Variants in KDM4C observed in about 807,000 individuals in gnomAD.
The protein encoded by KDM4C is lysine-specific demethylase 4C.
KDM4C carries 81 observed loss-of-function variants against 129.3 expected under a neutral mutation model. The ratio of observed to expected loss-of-function variants is 0.63; its 90% CI spans 0.52 to 0.75. The LOEUF (loss-of-function observed/expected upper bound fraction) is 0.75. Ranked by LOEUF, KDM4C falls within the 30% of genes least tolerant of loss-of-function variation. KDM4C has a pLI of 0.00. For missense variants in KDM4C, 1,457 were observed against 1,304.0 expected (o/e 1.12, Z -1.81); for synonymous variants, 573 against 456.1 (o/e 1.26, Z -3.26).
chr9:6,921,691 A>G (rs1019027454), intron 8 of KDM4C, among the ~76,000 whole-genome samples: 2 of 152,194 alleles, frequency 1.3e-5, no homozygotes, highest in African/African-American at 2.4e-5. Flanking sequence ...ACTTCTGCTC[A>G]GAATCTCCCC....
chr9:6,760,087 C>T (rs76688172), intron 1 of KDM4C, among the ~76,000 whole-genome samples: 1 of 152,176 alleles, frequency 6.6e-6, no homozygotes, highest in East Asian at 1.9e-4. Flanking sequence ...TTCCTATTAG[C>T]TGTCATTGCC....
intron 1 of KDM4C, among the ~76,000 whole-genome samples, chr9:6,783,905 G>C (rs2130789994): frequency 6.6e-6 from 1 of 152,258 alleles, no homozygotes; most frequent in Middle Eastern, 3.4e-3. Context: ...TTCTCTGTTG[G>C]GGTTTGTCTG....
At chr9:6,753,997 C>T (rs980761373), upstream of KDM4C, among the ~76,000 whole-genome samples, 3 of 149,604 alleles carry the variant, frequency 2.0e-5, no homozygotes, top group East Asian at 6.0e-4. Flanking sequence ...GCCTCAGCCT[C>T]TGGACTAGCT....
intron 5 of KDM4C, among the ~76,000 whole-genome samples, chr9:6,857,179 T>C (rs1373469351): frequency 6.6e-6 from 1 of 152,104 alleles, no homozygotes; most frequent in Non-Finnish European, 1.5e-5. Context: ...TCAAAGATAG[T>C]ATTGTTACTT....
Position 6,984,224 on chromosome 9 carries a change from T to A in KDM4C, c.1174T>A (p.Ser392Thr). Residue 392 changes from serine (S) to threonine (T), a missense_variant, in exon 10 of 22, where the codon TCA (serine) becomes ACA (threonine). Ser to Thr is a moderately conservative substitution (Grantham distance 58). Transcript: ENST00000381309. ...RPKADEEEEV[S>T]DEVDGAEVPN... Reference sequence around the variant, plus strand: ...TAAGGCTGATGAGGAAGAGGAAGTGTCAGATGAAGTCGATGGGGCAGAGGT... The same window carrying A: ...TAAGGCTGATGAGGAAGAGGAAGTGACAGATGAAGTCGATGGGGCAGAGGT... 6.2e-7 allele frequency: 1 copy of A among 1,613,880 alleles called. No individual in the cohort carries two copies. The highest frequency in any genetic ancestry group is 8.5e-7 in the Non-Finnish European group (1 of 1,179,840).
intron 17 of KDM4C, among the ~76,000 whole-genome samples, chr9:7,080,891 A>G (rs1365432641): frequency 2.0e-5 from 3 of 152,240 alleles, no homozygotes; most frequent in African/African-American, 7.2e-5. Flanking sequence ...ACTAGTTTAT[A>G]AAAGAGGGCT....
chr9:6,969,554 C>T (rs909800737), intron 8 of KDM4C, among the ~76,000 whole-genome samples: 4 of 152,286 alleles, frequency 2.6e-5, no homozygotes, highest in Middle Eastern at 3.4e-3. Flanking sequence ...TTGTCTTATT[C>T]GTTTAACTTT....
chr9:6,775,181 G>A (rs57291468), intron 1 of KDM4C, among the ~76,000 whole-genome samples: 78 of 151,832 alleles, frequency 5.1e-4, no homozygotes, highest in African/African-American at 1.8e-3. Flanking sequence ...TATACCCAGC[G>A]AATTTTTGTA....
intron 1 of KDM4C, among the ~76,000 whole-genome samples, chr9:6,750,323 C>G (rs994864809): frequency 6.6e-6 from 1 of 151,842 alleles, no homozygotes; most frequent in African/African-American, 2.4e-5. Flanking sequence ...CCTGTAGCCC[C>G]AGCTACTCAG....
chr9:6,740,762 G>A (rs887184221), intron 1 of KDM4C, among the ~76,000 whole-genome samples: 6 of 147,772 alleles, frequency 4.1e-5, no homozygotes, highest in African/African-American at 7.6e-5. Flanking sequence ...CAAGTGATTC[G>A]CCCACCTCAG....
intron 17 of KDM4C, among the ~76,000 whole-genome samples, chr9:7,061,881 C>T (rs558701382): frequency 4.6e-5 from 7 of 152,322 alleles, no homozygotes; most frequent in South Asian, 2.1e-4. Context: ...GCCAGTTCTC[C>T]GTACATTACC....
chr9:6,828,642 G>A (rs1309269311), intron 4 of KDM4C, among the ~76,000 whole-genome samples: 2 of 152,088 alleles, frequency 1.3e-5, no homozygotes, highest in Non-Finnish European at 2.9e-5. Flanking sequence ...AGGCTGAGGT[G>A]GGTGGATCAC....
intron 8 of KDM4C, among the ~76,000 whole-genome samples, chr9:6,966,119 T>C (rs1304677910): frequency 1.3e-5 from 2 of 152,114 alleles, no homozygotes; most frequent in Non-Finnish European, 1.5e-5. Flanking sequence ...GCAAATACCA[T>C]ACTAAATGGT....
At chr9:6,776,296 G>A (rs1416813221) in intron 1 of KDM4C, among the ~76,000 whole-genome samples, 1 of 152,086 alleles carries the variant, frequency 6.6e-6, no homozygotes, top group Non-Finnish European at 1.5e-5. Flanking sequence ...ATGGAGTCTC[G>A]CGCTGTTGCC....
At chr9:6,792,350 ATT>A (rs1564014664) in intron 1 of KDM4C, among the ~76,000 whole-genome samples, 1 of 151,514 alleles carries the variant, frequency 6.6e-6, no homozygotes. Context: ...CAAAAAAAAA[ATT>A]TTTATTTATT....
intron 15 of KDM4C, among the ~76,000 whole-genome samples, chr9:7,020,386 A>T (rs896300928): frequency 6.6e-6 from 1 of 152,242 alleles, no homozygotes; most frequent in African/African-American, 2.4e-5. Context: ...ACCCAAATAA[A>T]TAGGCACAAC....
chr9:6,906,794 A>C (rs1818404017), intron 8 of KDM4C, among the ~76,000 whole-genome samples: 1 of 151,422 alleles, frequency 6.6e-6, no homozygotes, highest in Non-Finnish European at 1.5e-5. Context: ...TTGGCATTAC[A>C]TGATTTTTGT....
intron 8 of KDM4C, among the ~76,000 whole-genome samples, chr9:6,922,013 C>A (rs770635133): frequency 6.6e-6 from 1 of 152,232 alleles, no homozygotes; most frequent in African/African-American, 2.4e-5. Context: ...ACCCTCTTCA[C>A]AATCCCAAGC....
At chr9:6,927,088 T>G (rs1221736220) in intron 8 of KDM4C, among the ~76,000 whole-genome samples, 5 of 119,146 alleles carry the variant, frequency 4.2e-5, no homozygotes. Context: ...CAAAAAAAAT[T>G]TTCTATCTAT....
Sources: allele counts gnomAD v4.1 joint callset (sites outside exome capture counted in the v4.1 genomes callset), GRCh38; gene constraint gnomAD v4.1.1; transcripts MANE v1.5; gene names NCBI Gene and HGNC (gene_info 2026-07-23, HGNC 2026-07-21).